The following CSMD1 variants were observed in gnomAD, a reference collection of about 807,000 sequenced individuals.
CSMD1 encodes the protein CUB and Sushi multiple domains 1.
Under a neutral mutation model 417.5 loss-of-function variants are expected in CSMD1, and 213 were observed. The observed-to-expected ratio is 0.51, with a 90% CI of 0.46 to 0.57. The LOEUF is 0.57. CSMD1 is among the 20% of genes least tolerant of loss of function. The pLI is 0.00. For missense variants in CSMD1, 6,923 were observed against 4,529.7 expected, an observed-to-expected ratio of 1.53 and a Z score of -15.17; for synonymous variants, 2,862 against 1,736.8, an observed-to-expected ratio of 1.65 and a Z score of -16.11.
chr8:4,114,476 T>C (rs1198513131), intron 3 of CSMD1, among the ~76,000 whole-genome samples: 1 of 152,220 alleles, frequency 6.6e-6, no homozygotes, highest in East Asian at 1.9e-4. Context: ...GAGATTAATG[T>C]TGTCTTCATG....
intron 1 of CSMD1, among the ~76,000 whole-genome samples, chr8:4,778,325 A>C (rs962949397): frequency 6.6e-6 from 1 of 152,196 alleles, no homozygotes; most frequent in Non-Finnish European, 1.5e-5. Context: ...ATGATACCAT[A>C]TGTGGCCTAT....
At chr8:4,920,023 G>A (rs1432470312) in intron 1 of CSMD1, among the ~76,000 whole-genome samples, 1 of 152,120 alleles carries the variant, frequency 6.6e-6, no homozygotes, top group East Asian at 1.9e-4. Flanking sequence ...GTTAGTCCCA[G>A]GTATTTTGCT....
intron 5 of CSMD1, among the ~76,000 whole-genome samples, chr8:3,819,347 AT>A (rs1236907928): frequency 6.6e-6 from 1 of 152,026 alleles, no homozygotes; most frequent in East Asian, 1.9e-4. Context: ...GATTCATGTC[AT>A]TTCATTTTAT....
At chr8:4,945,002 C>A (rs79414618) in intron 1 of CSMD1, among the ~76,000 whole-genome samples, 5 of 152,218 alleles carry the variant, frequency 3.3e-5, no homozygotes, top group Non-Finnish European at 5.9e-5. Flanking sequence ...GGAACCAACC[C>A]GTGTCCCTTG....
chr8:4,407,075 T>G (rs982338535), intron 3 of CSMD1, among the ~76,000 whole-genome samples: 2 of 152,292 alleles, frequency 1.3e-5, no homozygotes, highest in Non-Finnish European at 2.9e-5. Flanking sequence ...CACTCAAGTA[T>G]TGTCTATGGC....
At chr8:4,173,741 A>G (rs1797890517) in intron 3 of CSMD1, among the ~76,000 whole-genome samples, 1 of 152,070 alleles carries the variant, frequency 6.6e-6, no homozygotes, top group Non-Finnish European at 1.5e-5. Flanking sequence ...TGTCATTAAT[A>G]AAAAACTTAT....
chr8:3,417,434 T>G (rs949157705), intron 12 of CSMD1, among the ~76,000 whole-genome samples: 1 of 152,338 alleles, frequency 6.6e-6, no homozygotes, highest in East Asian at 1.9e-4. Context: ...TCTTATATGC[T>G]TATTCGTATG....
intron 5 of CSMD1, among the ~76,000 whole-genome samples, chr8:3,841,760 A>C (rs1226178693): frequency 6.6e-6 from 1 of 152,124 alleles, no homozygotes; most frequent in East Asian, 1.9e-4. Context: ...CTACATTAAT[A>C]ACATCCACAG....
chr8:4,500,688 G>A (rs896556781), intron 2 of CSMD1, among the ~76,000 whole-genome samples: 4 of 152,154 alleles, frequency 2.6e-5, no homozygotes, highest in African/African-American at 9.6e-5. Context: ...TGTGGGAGTG[G>A]TGGAGGTTTT....
intron 1 of CSMD1, among the ~76,000 whole-genome samples, chr8:4,733,974 T>G (rs1036807032): frequency 3.3e-5 from 5 of 152,212 alleles, no homozygotes; most frequent in African/African-American, 1.2e-4. Flanking sequence ...TATGCCCCTA[T>G]GCATGTGAAG....
At position 4,979,477 on chromosome 8, in the gene CSMD1, T is replaced by C. The variant is rs1004146358; in HGVS notation, c.85+14855A>G. On this transcript the variant is annotated intron_variant, in intron 1 of 69. Coordinates refer to ENST00000635120, the MANE Select transcript of CSMD1 (RefSeq NM_033225.6). The stretch of plus-strand genomic sequence containing the variant: ...GCCGTCAAAGGTACCTTTAGAACAC[T>C]TGAGTGTGTGAAAGCTAAGGGAAAT... 3.9e-5 allele frequency among the ~76,000 whole-genome samples: 6 copies of C among 152,262 alleles called. No homozygotes were observed. The South Asian group carries it at 1.2e-3, about 32-fold the overall frequency.
At chr8:3,686,140 G>C (rs1015186148) in intron 7 of CSMD1, among the ~76,000 whole-genome samples, 1 of 152,008 alleles carries the variant, frequency 6.6e-6, no homozygotes, top group Non-Finnish European at 1.5e-5. Flanking sequence ...ACTGTCTATG[G>C]GACTATTAGG....
At chr8:4,970,959 G>A (rs1448625405) in intron 1 of CSMD1, among the ~76,000 whole-genome samples, 1 of 152,108 alleles carries the variant, frequency 6.6e-6, no homozygotes. Flanking sequence ...TGATATCAGT[G>A]TGTTTACAGA....
At chr8:4,463,061 T>A (rs1420309051) in intron 2 of CSMD1, among the ~76,000 whole-genome samples, 1 of 152,148 alleles carries the variant, frequency 6.6e-6, no homozygotes, top group Non-Finnish European at 1.5e-5. Flanking sequence ...ATAACTTGCA[T>A]CTGGAATACA....
At chr8:3,623,983 A>G (rs541246781) in intron 7 of CSMD1, among the ~76,000 whole-genome samples, 18 of 152,214 alleles carry the variant, frequency 1.2e-4, no homozygotes, top group Non-Finnish European at 2.2e-4. Context: ...CAAAAAAACA[A>G]AACAAAACAA....
chr8:3,295,458 C>A (rs149338119), intron 25 of CSMD1, among the ~76,000 whole-genome samples: 1 of 151,872 alleles, frequency 6.6e-6, no homozygotes, highest in East Asian at 1.9e-4. Flanking sequence ...TGGGAGAGAC[C>A]GTTATACTGA....
chr8:3,120,183 T>C (rs1015630481), intron 41 of CSMD1, among the ~76,000 whole-genome samples: 2 of 151,802 alleles, frequency 1.3e-5, no homozygotes, highest in Non-Finnish European at 2.9e-5. Flanking sequence ...AGAAAGAAGA[T>C]AGGACAGGGC....
intron 3 of CSMD1, among the ~76,000 whole-genome samples, chr8:4,229,955 CT>C (rs1469370483): frequency 7.2e-5 from 11 of 152,110 alleles, no homozygotes; most frequent in Admixed American, 7.2e-4. Context: ...TATCAAGAGA[CT>C]TTTACGTCCT....
At chr8:3,791,129 G>C (rs1031027018) in intron 5 of CSMD1, among the ~76,000 whole-genome samples, 21 of 152,148 alleles carry the variant, frequency 1.4e-4, no homozygotes, top group African/African-American at 4.8e-4. Context: ...TAAAGCTGGA[G>C]TGCATGACAA....
Sources: allele counts gnomAD v4.1 joint callset (sites outside exome capture counted in the v4.1 genomes callset), GRCh38; gene constraint gnomAD v4.1.1; transcripts MANE v1.5; gene names NCBI Gene and HGNC (gene_info 2026-07-23, HGNC 2026-07-21).